PTK2: variants seen among roughly 807,000 people sequenced by gnomAD.
The protein encoded by PTK2 is protein tyrosine kinase 2, also known as focal adhesion kinase 1.
In PTK2, 45 loss-of-function variants were observed where a neutral mutation model predicts 150.1. The observed-to-expected ratio is 0.30, with a 90% CI of 0.24 to 0.38. The LOEUF is 0.38. Among genes scored for constraint, PTK2 ranks in the 10% least tolerant of loss-of-function variants. PTK2 has a pLI of 1.00. For missense variants in PTK2, 919 were observed against 1,307.3 expected, an observed-to-expected ratio of 0.70 and a Z score of 4.58; for synonymous variants, 432 against 449.2, an observed-to-expected ratio of 0.96 and a Z score of 0.48.
chr8:140,810,172 C>T (rs1027921221), intron 10 of PTK2, among the ~76,000 whole-genome samples: 16 of 152,202 alleles, frequency 1.1e-4, no homozygotes, highest in Non-Finnish European at 2.4e-4. Flanking sequence ...TCAACTACTA[C>T]GGACACTTGA....
chr8:140,822,563 T>C (rs1255906356), intron 8 of PTK2: 1 of 152,224 alleles, frequency 6.6e-6, no homozygotes, highest in Non-Finnish European at 1.5e-5. Flanking sequence ...CCAGAACTAC[T>C]TGATTTCTTT....
At chr8:140,668,228 CAAG>C in intron 30 of PTK2, 38 bp downstream of exon 34, 1 of 1,611,500 alleles carries the variant, frequency 6.2e-7, no homozygotes, top group Non-Finnish European at 8.5e-7. Flanking sequence ...TTACAGGAAA[CAAG>C]AACATTTTTG....
chr8:141,000,198 C>T (rs1333351257), intron 1 of PTK2, among the ~76,000 whole-genome samples: 1 of 151,798 alleles, frequency 6.6e-6, no homozygotes, highest in Non-Finnish European at 1.5e-5. Flanking sequence ...ACAGTTGCGC[C>T]TAAGCCACCG....
At chr8:140,900,496 C>CTG (rs2100157992) in intron 2 of PTK2, among the ~76,000 whole-genome samples, 1 of 151,914 alleles carries the variant, frequency 6.6e-6, no homozygotes, top group Admixed American at 6.6e-5. Context: ...TCAAGGCAGG[C>CTG]GTATCACTAG....
chr8:140,871,297 A>G (rs1245309188), intron 4 of PTK2, among the ~76,000 whole-genome samples: 1 of 152,338 alleles, frequency 6.6e-6, no homozygotes, highest in East Asian at 1.9e-4. Context: ...ATTATACTGA[A>G]AGGAATGATC....
chr8:140,969,999 G>GTGCT (rs1050684284), intron 1 of PTK2, among the ~76,000 whole-genome samples: 13 of 152,364 alleles, frequency 8.5e-5, no homozygotes, highest in African/African-American at 2.9e-4. Context: ...GTAGGCTGAT[G>GTGCT]TGCTGGGAGA....
intron 1 of PTK2, among the ~76,000 whole-genome samples, chr8:140,954,581 T>C (rs2154609197): frequency 6.6e-6 from 1 of 152,308 alleles, no homozygotes; most frequent in East Asian, 1.9e-4. Flanking sequence ...TATCTACACA[T>C]AATAGGCACT....
chr8:140,949,940 T>A (rs922118801), intron 1 of PTK2, among the ~76,000 whole-genome samples: 1 of 152,036 alleles, frequency 6.6e-6, no homozygotes, highest in African/African-American at 2.4e-5. Context: ...AGTACGCACT[T>A]CCTCCCTTCT....
intron 4 of PTK2, among the ~76,000 whole-genome samples, chr8:140,864,994 T>C (rs762096843): frequency 6.6e-6 from 1 of 152,190 alleles, no homozygotes; most frequent in Non-Finnish European, 1.5e-5. Context: ...TCAAACAGCA[T>C]GCCAAAGAGG....
At chr8:140,763,483 T>TA (rs1182855238) in intron 15 of PTK2, among the ~76,000 whole-genome samples, 1 of 151,878 alleles carries the variant, frequency 6.6e-6, no homozygotes, top group Non-Finnish European at 1.5e-5. Context: ...TCTGGAACAT[T>TA]AAAAAAATAA....
At chr8:140,819,331 AG>A (rs2100106769) in intron 8 of PTK2, among the ~76,000 whole-genome samples, 1 of 152,226 alleles carries the variant, frequency 6.6e-6, no homozygotes, top group Non-Finnish European at 1.5e-5. Context: ...ACCAGGCCAA[AG>A]GTATAAAGGT....
rs150553828 is a variant in PTK2, at chr8:140,673,920, C to T, written c.2709+378G>A. ...ATGAAGCCACACTTATAAACTCCTA[C>T]AAAAAGTCCTCACTTACCCCAAGCA... is the stretch of plus-strand genomic sequence containing the variant. On this transcript the variant is annotated intron_variant, in intron 29 of 31. Transcript: ENST00000522684. Among the ~76,000 whole-genome samples the T allele has an allele frequency of 5.0e-3, 761 of 152,256 alleles. 6 individuals carry two copies. The highest frequency in any genetic ancestry group is 0.018 in the African/African-American group (731 of 41,532).
chr8:140,757,384 T>TA (rs1365503916), intron 16 of PTK2, among the ~76,000 whole-genome samples: 16 of 151,790 alleles, frequency 1.1e-4, no homozygotes, highest in Non-Finnish European at 2.1e-4. Context: ...CACCCATAGT[T>TA]AAAAAAAATT....
chr8:140,832,390 T>C (rs1246475299), intron 7 of PTK2, among the ~76,000 whole-genome samples: 3 of 152,148 alleles, frequency 2.0e-5, no homozygotes, highest in African/African-American at 7.2e-5. Flanking sequence ...GGCTCTGCCA[T>C]AGGACAGACT....
At chr8:140,733,908 C>T (rs577025029) in intron 22 of PTK2, among the ~76,000 whole-genome samples, 2 of 152,276 alleles carry the variant, frequency 1.3e-5, no homozygotes, top group South Asian at 2.1e-4. Context: ...AGTGATACCT[C>T]GGTCTCCTCC....
At chr8:140,666,627 G>C (rs141824289) in intron 30 of PTK2, among the ~76,000 whole-genome samples, 1 of 152,012 alleles carries the variant, frequency 6.6e-6, no homozygotes, top group African/African-American at 2.4e-5. Context: ...AAAATAACAC[G>C]TTTTGGTGAG....
chr8:140,995,906 A>G (rs926126727), intron 1 of PTK2, among the ~76,000 whole-genome samples: 1 of 152,210 alleles, frequency 6.6e-6, no homozygotes, highest in African/African-American at 2.4e-5. Flanking sequence ...ACTTCAGTGA[A>G]CACGCAAATG....
At chr8:140,737,706 C>T (rs1213131459) in intron 21 of PTK2, among the ~76,000 whole-genome samples, 1 of 152,116 alleles carries the variant, frequency 6.6e-6, no homozygotes, top group Non-Finnish European at 1.5e-5. Context: ...ATAATGCTTC[C>T]AATTATTACC....
intron 1 of PTK2, among the ~76,000 whole-genome samples, chr8:140,988,605 C>A (rs1408007132): frequency 6.6e-6 from 1 of 151,724 alleles, no homozygotes; most frequent in Non-Finnish European, 1.5e-5. Flanking sequence ...GGTGGGCGCC[C>A]GTAGCCCCAG....
Sources: gnomAD v4.1 joint callset for allele counts (sites outside exome capture counted in the v4.1 genomes callset) on GRCh38, gnomAD v4.1.1 for gene constraint, MANE v1.5 for transcripts, NCBI Gene and HGNC (gene_info 2026-07-23, HGNC 2026-07-21) for gene names.